Variants in MPDZ observed in about 807,000 individuals in gnomAD.
MPDZ encodes multiple PDZ domain protein.
A neutral mutation model predicts 239.1 loss-of-function variants in MPDZ; 234 were observed. The observed-to-expected ratio is 0.98, with a 90% confidence interval of 0.88 to 1.09. The LOEUF is 1.09. Ranked by LOEUF, MPDZ falls within the 50% of genes least tolerant of loss-of-function variation. The pLI is 0.00. For synonymous variants in MPDZ, 1,048 were observed against 881.3 expected (o/e 1.19, Z -3.35); for missense variants, 3,175 against 2,510.0 (o/e 1.26, Z -5.66).
At chr9:13,169,951 C>G (rs755362838) in intron 21 of MPDZ, among the ~76,000 whole-genome samples, 43 of 152,278 alleles carry the variant, frequency 2.8e-4, no homozygotes, top group Non-Finnish European at 4.6e-4. Flanking sequence ...AAGTCCTTCT[C>G]AACAGACTCT....
chr9:13,219,555 T>C lies in MPDZ; in HGVS notation c.1086+4A>G, dbSNP rs369620486. ...TTTCACATTAACTACTCTTAACTAC[T>C]TACCCGCAACTCTGGTGTTGAAGTT... On this transcript the variant is annotated splice_donor_region_variant and intron_variant, in intron 8 of 46. Transcript: ENST00000319217. The C allele has an allele frequency of 1.1e-5, 18 of 1,610,924 alleles. No homozygotes were observed. The highest frequency in any genetic ancestry group is 1.5e-5 in the Non-Finnish European group (18 of 1,178,264).
intron 15 of MPDZ, among the ~76,000 whole-genome samples, chr9:13,191,178 T>C (rs960282349): frequency 6.6e-6 from 1 of 152,146 alleles, no homozygotes; most frequent in Non-Finnish European, 1.5e-5. Context: ...TATGGATACA[T>C]ATAGGGTACT....
At chr9:13,252,626 A>G (rs1968382997) in intron 1 of MPDZ, among the ~76,000 whole-genome samples, 2 of 151,436 alleles carry the variant, frequency 1.3e-5, no homozygotes, top group Admixed American at 1.3e-4. Context: ...ATCCCAGCAA[A>G]TAACTTGAGC....
intron 10 of MPDZ, among the ~76,000 whole-genome samples, chr9:13,209,066 G>C (rs780408106): frequency 1.3e-5 from 2 of 152,138 alleles, no homozygotes; most frequent in Admixed American, 6.6e-5. Context: ...CTGAATCTCT[G>C]TATGTGTGGG....
chr9:13,116,420 T>C (rs1943455143), intron 39 of MPDZ, among the ~76,000 whole-genome samples: 2 of 152,196 alleles, frequency 1.3e-5, no homozygotes, highest in Admixed American at 1.3e-4. Context: ...GTAAGATTAA[T>C]ATAAATATTG....
chr9:13,263,211 G>C (rs1486759164), intron 1 of MPDZ, among the ~76,000 whole-genome samples: 2 of 152,120 alleles, frequency 1.3e-5, no homozygotes, highest in African/African-American at 2.4e-5. Context: ...ACTAGTAGTT[G>C]TTAAAACAGA....
intron 10 of MPDZ, 70 bp downstream of exon 10, chr9:13,216,704 T>C (rs542733269): frequency 1.7e-6 from 2 of 1,194,550 alleles, no homozygotes; most frequent in African/African-American, 3.0e-5. Flanking sequence ...CTCTCAAAAC[T>C]AAGTAAACTA....
rs2135062197 is a variant in MPDZ, at chr9:13,192,165, C to T, written c.1934G>A (p.Ser645Asn). 1 of 1,609,502 alleles carries T rather than the reference C, an allele frequency of 6.2e-7. No homozygotes were observed. Among genetic ancestry groups the T allele is most frequent in the Non-Finnish European group, 8.5e-7 (1 of 1,177,734 alleles). Residue 645 changes from serine to asparagine, a missense_variant, in exon 15 of 47, where the codon AGC (serine) becomes AAC (asparagine). Ser to Asn is a conservative substitution (Grantham distance 46). Transcript: ENST00000319217. ...VPPTTQSELD[S>N]LDLCDIELTE... ...TAGCTCAATATCACATAAGTCCAGG[C>T]TATCCAATTCTGATTGGGTGGTGGG...
At chr9:13,134,211 T>C (rs1179320302) in intron 31 of MPDZ, 1 of 158,350 alleles carries the variant, frequency 6.3e-6, no homozygotes, top group Non-Finnish European at 1.4e-5. Flanking sequence ...GGGTTTACTG[T>C]ATAATGAAAA....
At chr9:13,263,569 A>G (rs1319983539) in intron 1 of MPDZ, among the ~76,000 whole-genome samples, 1 of 152,208 alleles carries the variant, frequency 6.6e-6, no homozygotes, top group Non-Finnish European at 1.5e-5. Flanking sequence ...TATCTCATAA[A>G]GAATCATTTT....
chr9:13,148,647 A>C (rs1452443222), intron 25 of MPDZ, among the ~76,000 whole-genome samples: 1 of 151,986 alleles, frequency 6.6e-6, no homozygotes, highest in African/African-American at 2.4e-5. Context: ...CCATATGTCT[A>C]CTATATATTC....
At chr9:13,237,302 G>A (rs1038536127) in intron 3 of MPDZ, among the ~76,000 whole-genome samples, 1 of 151,316 alleles carries the variant, frequency 6.6e-6, no homozygotes, top group Non-Finnish European at 1.5e-5. Flanking sequence ...TGCCTGGCTA[G>A]TGGCACACAC....
chr9:13,111,442 A>G (rs928833426), intron 43 of MPDZ, among the ~76,000 whole-genome samples: 3 of 152,228 alleles, frequency 2.0e-5, no homozygotes, highest in African/African-American at 7.2e-5. Flanking sequence ...GTATGAAACC[A>G]TAGAGATTTT....
At chr9:13,183,755 A>G (rs1953708410) in intron 18 of MPDZ, among the ~76,000 whole-genome samples, 170 bp from the exon 19 acceptor site, 1 of 152,030 alleles carries the variant, frequency 6.6e-6, no homozygotes, top group African/African-American at 2.4e-5. Context: ...AACAAGGATA[A>G]ATAGCCCACC....
intron 3 of MPDZ, among the ~76,000 whole-genome samples, chr9:13,228,212 GT>G (rs1455104033): frequency 6.6e-6 from 1 of 152,060 alleles, no homozygotes; most frequent in Non-Finnish European, 1.5e-5. Flanking sequence ...ATAATTATCT[GT>G]TTTCTGTTTA....
At chr9:13,135,977 C>G in intron 31 of MPDZ, 115 bp downstream of exon 31, 1 of 692,502 alleles carries the variant, frequency 1.4e-6, no homozygotes, top group Admixed American at 2.6e-5. Flanking sequence ...AAGGCCAAGG[C>G]TATAACTTAT....
At chr9:13,138,701 G>A (rs1428807254) in intron 28 of MPDZ, among the ~76,000 whole-genome samples, 3 of 152,194 alleles carry the variant, frequency 2.0e-5, no homozygotes, top group South Asian at 4.1e-4. Context: ...GTCCTAATGA[G>A]ATGAGACCAT....
intron 3 of MPDZ, among the ~76,000 whole-genome samples, chr9:13,242,957 C>A (rs766781117): frequency 1.3e-5 from 2 of 152,148 alleles, no homozygotes; most frequent in African/African-American, 2.4e-5. Context: ...AAGTTTCCCT[C>A]GGGAATGGAG....
At chr9:13,274,978 T>C (rs1973847060) in intron 1 of MPDZ, among the ~76,000 whole-genome samples, 1 of 152,190 alleles carries the variant, frequency 6.6e-6, no homozygotes. Context: ...AGGCACAATT[T>C]CCCAATGAAC....
Sources: gnomAD v4.1 joint callset for allele counts (sites outside exome capture counted in the v4.1 genomes callset) on GRCh38, gnomAD v4.1.1 for gene constraint, MANE v1.5 for transcripts, NCBI Gene and HGNC (gene_info 2026-07-23, HGNC 2026-07-21) for gene names.